The following DRC11L variants were observed in gnomAD, a reference collection of about 807,000 sequenced individuals.
The protein encoded by DRC11L is dynein regulatory complex subunit 11 like.
At chr7:151,202,569 G>A in the DRC11L span, among the ~76,000 whole-genome samples, 1 of 152,128 alleles carries the variant, frequency 6.6e-6, no homozygotes, top group East Asian at 1.9e-4. Context: ...CTAGTTGTGG[G>A]GGCTGGGCAT....
the DRC11L span, among the ~76,000 whole-genome samples, chr7:151,196,135 G>A: frequency 6.6e-6 from 1 of 152,204 alleles, no homozygotes; most frequent in Non-Finnish European, 1.5e-5. Context: ...TGAGGATGGT[G>A]GGGGGGTGTG....
chr7:151,200,763 C>T, the DRC11L span, among the ~76,000 whole-genome samples: 1 of 152,198 alleles, frequency 6.6e-6, no homozygotes, highest in Non-Finnish European at 1.5e-5. Flanking sequence ...ACATTCCCTA[C>T]ACCCCCTCCT....
the DRC11L span, chr7:151,195,674 G>A: frequency 1.3e-4 from 52 of 399,650 alleles, no homozygotes; most frequent in Non-Finnish European, 1.9e-4. Flanking sequence ...GGAGACAGCC[G>A]AGGTGTGGCG....
chr7:151,192,902 G>T, the DRC11L span: 1 of 398,744 alleles, frequency 2.5e-6, no homozygotes, highest in South Asian at 1.3e-4. Flanking sequence ...CTGGTCAGAA[G>T]GCAGGATGAG....
At chr7:151,205,135 T>G in the DRC11L span, among the ~76,000 whole-genome samples, 1 of 151,912 alleles carries the variant, frequency 6.6e-6, no homozygotes, top group South Asian at 2.1e-4. Flanking sequence ...GAAGGGGTCT[T>G]TGGGAGTCAG....
At chr7:151,199,418 T>G in the DRC11L span, among the ~76,000 whole-genome samples, 1 of 152,146 alleles carries the variant, frequency 6.6e-6, no homozygotes, top group Non-Finnish European at 1.5e-5. This position sits in a 1 kb window ranked among gnomAD's most constrained non-coding sequence, Gnocchi z 5.2. Context: ...AGACAATTAC[T>G]GAAAACGCTG....
chr7:151,200,024 G>T, the DRC11L span, among the ~76,000 whole-genome samples: 1 of 152,200 alleles, frequency 6.6e-6, no homozygotes, highest in Non-Finnish European at 1.5e-5. Context: ...AGAGGCTTGT[G>T]GGGGGCAGTG....
chr7:151,200,069 C>G, the DRC11L span, among the ~76,000 whole-genome samples: 1 of 152,340 alleles, frequency 6.6e-6, no homozygotes, highest in Non-Finnish European at 1.5e-5. Context: ...CCTCCTCCCT[C>G]TGGGGTCCAC....
At chr7:151,192,087 C>T in the DRC11L span, among the ~76,000 whole-genome samples, 4 of 152,218 alleles carry the variant, frequency 2.6e-5, no homozygotes, top group Non-Finnish European at 4.4e-5. Flanking sequence ...ATTAGAGCCT[C>T]GGAGGACATA....
the DRC11L span, chr7:151,205,486 G>T: frequency 7.5e-6 from 3 of 398,900 alleles, no homozygotes; most frequent in Admixed American, 1.3e-4. Flanking sequence ...CCCCTTGTTT[G>T]CTGGTGGTGG....
At chr7:151,194,405 G>C in the DRC11L span, 1 of 398,940 alleles carries the variant, frequency 2.5e-6, no homozygotes. Context: ...CACACTCTCC[G>C]AGTGGCAATC....
At chr7:151,191,748 T>C in the DRC11L span, 4 of 399,166 alleles carry the variant, frequency 1.0e-5, no homozygotes, top group Admixed American at 1.8e-4. Flanking sequence ...CGCCGCTCAC[T>C]CAGCACCGAT....
At chr7:151,191,544 T>C in the DRC11L span, 4 of 397,960 alleles carry the variant, frequency 1.0e-5, no homozygotes, top group Non-Finnish European at 1.8e-5. Flanking sequence ...TTCTGGTAAT[T>C]TGTGGGAGCA....
the DRC11L span, among the ~76,000 whole-genome samples, chr7:151,203,991 T>C: frequency 6.6e-6 from 1 of 152,202 alleles, no homozygotes; most frequent in Non-Finnish European, 1.5e-5. Flanking sequence ...TAGAACAGCC[T>C]TCTAGAACTT....
the DRC11L span, chr7:151,197,463 G>A: frequency 2.5e-6 from 1 of 397,644 alleles, no homozygotes; most frequent in African/African-American, 2.1e-5. Context: ...GATTCCCTAG[G>A]CCTAGAGTAA....
the DRC11L span, among the ~76,000 whole-genome samples, chr7:151,199,958 G>A: frequency 2.0e-5 from 3 of 152,220 alleles, no homozygotes; most frequent in African/African-American, 7.2e-5. This position sits in a 1 kb window ranked among gnomAD's most constrained non-coding sequence, Gnocchi z 5.2. Flanking sequence ...GGAAAGCCCT[G>A]GTTTGGGGAG....
chr7:151,205,251 C>A, the DRC11L span, among the ~76,000 whole-genome samples: 1 of 152,056 alleles, frequency 6.6e-6, no homozygotes, highest in Admixed American at 6.6e-5. Context: ...AGGGACCCTT[C>A]CCCAAGCAGA....
At chr7:151,194,635 C>T in the DRC11L span, 3 of 399,330 alleles carry the variant, frequency 7.5e-6, no homozygotes, top group Admixed American at 4.4e-5. Flanking sequence ...CCCACCACCA[C>T]AAGGGACATT....
chr7:151,200,922 C>T, the DRC11L span, among the ~76,000 whole-genome samples: 1 of 152,144 alleles, frequency 6.6e-6, no homozygotes, highest in African/African-American at 2.4e-5. Flanking sequence ...CTCTCCCAGG[C>T]CCAAGACCCC....
Sources: gnomAD v4.1 joint callset for allele counts (sites outside exome capture counted in the v4.1 genomes callset) on GRCh38, gnomAD v4.1.1 for gene constraint, Gnocchi (gnomAD v3.1) non-coding constraint, MANE v1.5 for transcripts, NCBI Gene and HGNC (gene_info 2026-07-23, HGNC 2026-07-21) for gene names.